The following MCM2 variants were observed in gnomAD, a reference collection of about 807,000 sequenced individuals.
MCM2 encodes DNA replication licensing factor MCM2.
MCM2 carries 49 observed loss-of-function variants against 86.4 expected under a neutral mutation model. The ratio of observed to expected loss-of-function variants is 0.57; its 90% CI spans 0.45 to 0.72. MCM2 has a LOEUF of 0.72. Among genes scored for constraint, MCM2 ranks in the 30% least tolerant of loss-of-function variants. The pLI is 0.00. For missense variants in MCM2, 1,038 were observed against 1,259.9 expected (o/e 0.82, Z 2.67); for synonymous variants, 475 against 484.6 (o/e 0.98, Z 0.26).
intron 14 of MCM2, 65 bp downstream of exon 14, chr3:127,620,945 C>T: frequency 5.1e-6 from 8 of 1,570,500 alleles, no homozygotes; most frequent in Non-Finnish European, 6.1e-6. Flanking sequence ...ACGTGGGTAT[C>T]CAGGGCTCTG....
rs551831279 is a variant in MCM2 at position 127,606,290 on chromosome 3, T to C, written c.846T>C (p.His282=). Reference sequence around the variant, plus strand: ...ACGACCGCATCACCAACCACATCCATGTCCGCATCTCCCACCTGCCTCTGG... The same window carrying C: ...ACGACCGCATCACCAACCACATCCACGTCCGCATCTCCCACCTGCCTCTGG... ...PKYDRITNHI[H]VRISHLPLVE... The change falls in exon 5 of 16, where the codon CAT becomes CAC. Residue 282 remains histidine, a synonymous_variant. Coordinates refer to ENST00000265056, the MANE Select transcript of MCM2 (RefSeq NM_004526.4). The surrounding 1 kb of genome is among the most constrained non-coding windows in gnomAD (Gnocchi z 4.2). 8.1e-6 allele frequency: 13 copies of C among 1,614,242 alleles called. No homozygotes were observed. The South Asian group carries it at 1.4e-4, about 18-fold the overall frequency.
chr3:127,616,881 G>T lies in MCM2; in HGVS notation c.1536G>T (p.Lys512Asn). 1 of 1,613,188 alleles carries T rather than the reference G, an allele frequency of 6.2e-7. No individual in the cohort carries two copies. Among genetic ancestry groups the T allele is most frequent in the South Asian group, 1.1e-5 (1 of 91,054 alleles). Residue 512 changes from lysine (K) to asparagine (N), a missense_variant, in exon 10 of 16, where the codon AAG becomes AAT. By Grantham distance (94) the Lys-to-Asn change is moderately conservative. Coordinates refer to ENST00000265056, the MANE Select transcript of MCM2 (RefSeq NM_004526.4). ...CATCCCCTCCAGGTGGCAAGCACAA[G>T]GTACGTGGTGATATCAACGTGCTCT... is the stretch of plus-strand genomic sequence containing the variant. ...GEPKNPGGKHKVRGDINVLLC... is the reference protein window; with the variant it reads ...GEPKNPGGKHNVRGDINVLLC...
At position 127,605,033 on chromosome 3, in the gene MCM2, G is replaced by T. The variant is rs756423886; in HGVS notation, c.550G>T (p.Glu184Ter). 3 of 1,614,156 alleles carry T rather than the reference G, an allele frequency of 1.9e-6. No individual in the cohort carries two copies. Among genetic ancestry groups the T allele is most frequent in the East Asian group, 2.2e-5 (1 of 44,886 alleles). ...GGATCTCAAAGGCCACTCTGTGCGCGAGTGGGTGAGCATGGCGGGCCCCCG... is the reference window on the plus strand; with the variant it reads ...GGATCTCAAAGGCCACTCTGTGCGCTAGTGGGTGAGCATGGCGGGCCCCCG... ...LEDLKGHSVREWVSMAGPRLE... is the reference protein window; with the variant it reads ...LEDLKGHSVR Residue 184 changes from glutamate (E) to a stop codon, truncating the protein, a stop_gained, in exon 4 of 16, where the codon GAG becomes TAG. Transcript: ENST00000265056. LOFTEE classifies it high-confidence loss of function.
At chr3:127,611,891 G>A (rs2074401117) in intron 8 of MCM2, among the ~76,000 whole-genome samples, 1 of 145,464 alleles carries the variant, frequency 6.9e-6, no homozygotes, top group South Asian at 2.3e-4. Context: ...AGTAGAGACG[G>A]GGTTTCACCG....
chr3:127,609,700 C>T lies in MCM2; in HGVS notation c.1428+677C>T, dbSNP rs139761281. ...AGAAATACGGATTACTTAAACAGAA[C>T]GTTAAATTTCTGTTGATAAAAACCC... is the stretch of plus-strand genomic sequence containing the variant. On this transcript the variant is annotated intron_variant, in intron 8 of 15. Coordinates refer to ENST00000265056, the MANE Select transcript of MCM2 (RefSeq NM_004526.4). Among the ~76,000 whole-genome samples, 219 of 152,142 alleles carry T rather than the reference C, an allele frequency of 1.4e-3. 1 individual carries two copies. Among genetic ancestry groups the T allele is most frequent in the African/African-American group, 5.1e-3 (211 of 41,508 alleles).
In MCM2 at chr3:127,606,594, C is replaced by T. The variant is rs758142271; in HGVS notation, c.894-16C>T. ...ACCCTGGCTCACGGCTTCTGATGCA[C>T]CCTCTGCCTCCGCAGGCAGCTGCAT... is the stretch of plus-strand genomic sequence containing the variant. On this transcript the variant is annotated splice_polypyrimidine_tract_variant and intron_variant, in intron 5 of 15. Coordinates refer to ENST00000265056, the MANE Select transcript of MCM2 (RefSeq NM_004526.4). The surrounding 1 kb of genome is among the most constrained non-coding windows in gnomAD (Gnocchi z 4.2). 29 of 1,609,572 alleles carry T rather than the reference C, an allele frequency of 1.8e-5. No individual in the cohort carries two copies. The South Asian group carries it at 1.9e-4, about 10-fold the overall frequency.
Position 127,606,699 on chromosome 3 carries a change from A to G in MCM2, c.983A>G (p.Asn328Ser), listed in dbSNP as rs1162173809. The G allele has an allele frequency of 1.2e-6, 2 of 1,614,112 alleles. No individual in the cohort carries two copies. Among genetic ancestry groups the G allele is most frequent in the African/African-American group, 2.7e-5 (2 of 74,934 alleles). Residue 328 changes from asparagine (N) to serine (S), a missense_variant, in exon 6 of 16, where the codon AAC becomes AGC. By Grantham distance (46) the Asn-to-Ser change is conservative. Transcript: ENST00000265056. This position sits in a 1 kb window ranked among gnomAD's most constrained non-coding sequence, Gnocchi z 4.2. Reference protein sequence around the residue: ...VLPQLSMVKYNCNKCNFVLGP... With the variant: ...VLPQLSMVKYSCNKCNFVLGP... ...CCCCAGCTCAGCATGGTCAAGTACA[A>G]CTGCAACAAGTGCAATTTCGTCCTG...
chr3:127,616,842 C>T (rs759367777), intron 9 of MCM2, 26 bp from the exon 10 acceptor site: 6 of 1,603,188 alleles, frequency 3.7e-6, no homozygotes, highest in South Asian at 1.1e-5. Context: ...CTCTCCCCCT[C>T]CCCCGCTTCT....
chr3:127,601,933 G>C (rs1202199923), intron 2 of MCM2, among the ~76,000 whole-genome samples: 1 of 152,122 alleles, frequency 6.6e-6, no homozygotes, highest in Non-Finnish European at 1.5e-5. Flanking sequence ...TCGTATGCTT[G>C]ATTGGCTATC....
rs2107689958 is a variant in MCM2, at chr3:127,608,876, C to T, written c.1281C>T (p.Asn427=). Reference sequence around the variant, plus strand: ...ACAACAACTATGATGGCTCCCTCAACACTGCCAATGGCTTCCCTGTCTTTG... The same window carrying T: ...ACAACAACTATGATGGCTCCCTCAATACTGCCAATGGCTTCCCTGTCTTTG... The part of the protein sequence containing the change: ...IYHNNYDGSL[N]TANGFPVFAT... Residue 427 remains asparagine (N), a synonymous_variant, in exon 8 of 16, where the codon AAC becomes AAT. Coordinates refer to ENST00000265056, the MANE Select transcript of MCM2 (RefSeq NM_004526.4). 8 of 1,614,184 alleles carry T rather than the reference C, an allele frequency of 5.0e-6. 1 individual carries two copies. The highest frequency in any genetic ancestry group is 4.4e-5 in the South Asian group (4 of 91,082).
At chr3:127,605,762 C>A (rs2074342501) in intron 4 of MCM2, among the ~76,000 whole-genome samples, 1 of 152,182 alleles carries the variant, frequency 6.6e-6, no homozygotes, top group Non-Finnish European at 1.5e-5. Flanking sequence ...TTAAAAGGGA[C>A]ATGTAGATCT....
chr3:127,616,859 C>A lies in MCM2; in HGVS notation c.1523-9C>A. 2 of 1,607,812 alleles carry A rather than the reference C, an allele frequency of 1.2e-6. No homozygotes were observed. The highest frequency in any genetic ancestry group is 1.7e-6 in the Non-Finnish European group (2 of 1,174,950). On this transcript the variant is annotated splice_polypyrimidine_tract_variant and intron_variant, in intron 9 of 15. Coordinates refer to ENST00000265056, the MANE Select transcript of MCM2 (RefSeq NM_004526.4). ...CTCCCCCTCCCCCGCTTCTACTCAT[C>A]CCCTCCAGGTGGCAAGCACAAGGTA...
Position 127,617,198 on chromosome 3 carries a change from ATGG to A in MCM2, c.1774-80_1774-78del. The stretch of plus-strand genomic sequence containing the variant: ...GGCCTTAGCGACGGGAATGGTGTTA[ATGG>A]GGTCCATTGGGACCTCATCGGAGAC... On this transcript the variant is annotated intron_variant, in intron 10 of 15. Transcript: ENST00000265056. The surrounding 1 kb of genome is among the most constrained non-coding windows in gnomAD (Gnocchi z 4.1). 3 of 1,605,936 alleles carry A rather than the reference ATGG, an allele frequency of 1.9e-6. No homozygotes were observed. The highest frequency in any genetic ancestry group is 2.6e-6 in the Non-Finnish European group (3 of 1,174,466).
At chr3:127,621,590 C>A in intron 15 of MCM2, 73 bp from the exon 16 acceptor site, 1 of 974,844 alleles carries the variant, frequency 1.0e-6, no homozygotes. Context: ...TGAAAGTGCA[C>A]TGTAACTGGG....
At chr3:127,612,713 GCTCACAGTA>G (rs2074408614) in intron 8 of MCM2, among the ~76,000 whole-genome samples, 3 of 152,152 alleles carry the variant, frequency 2.0e-5, no homozygotes, top group African/African-American at 7.2e-5. Context: ...GCTGGGTGGA[GCTCACAGTA>G]CCCACTCAGG....
At position 127,599,370 on chromosome 3, in the gene MCM2, G is replaced by A; in HGVS notation, c.59G>A (p.Gly20Asp). ...MASSPAQRRR[G>D]NDPLTSSPGR... ...TCCAGCCCGGCCCAGCGTCGGCGAG[G>A]CAATGATCCTCTCACCTCCAGCCCT... Residue 20 changes from glycine to aspartate, a missense_variant, in exon 2 of 16, where the codon GGC becomes GAC. By Grantham distance (94) the Gly-to-Asp change is moderately conservative. Coordinates refer to ENST00000265056, the MANE Select transcript of MCM2 (RefSeq NM_004526.4). 6.2e-7 allele frequency: 1 copy of A among 1,614,044 alleles called. No individual in the cohort carries two copies. The highest frequency in any genetic ancestry group is 2.2e-5 in the East Asian group (1 of 44,904).
Position 127,611,682 on chromosome 3 carries a change from CTTTTTTTTTTTT to C in MCM2, c.1428+2682_1428+2693del, listed in dbSNP as rs59607211. ...AAGCCCTGCAGGCTTCTGCAGCTGA[CTTTTTTTTTTTT>C]TTTTTTTTTTTTTTTTTTTTTTGAG... On this transcript the variant is annotated intron_variant, in intron 8 of 15. Transcript: ENST00000265056. 1.5e-4 allele frequency among the ~76,000 whole-genome samples: 8 copies of C among 54,282 alleles called. No homozygotes were observed. The South Asian group carries it at 3.1e-3, about 21-fold the overall frequency. 35.6% of individuals were successfully genotyped at this position (54,282 alleles called of 152,430 possible).
Position 127,606,832 on chromosome 3 carries a change from A to G in MCM2, c.1101+15A>G. 3 of 1,613,594 alleles carry G rather than the reference A, an allele frequency of 1.9e-6. No individual in the cohort carries two copies. Among genetic ancestry groups the G allele is most frequent in the Non-Finnish European group, 2.5e-6 (3 of 1,179,548 alleles). On this transcript the variant is annotated intron_variant, in intron 6 of 15. Coordinates refer to ENST00000265056, the MANE Select transcript of MCM2 (RefSeq NM_004526.4). This position sits in a 1 kb window ranked among gnomAD's most constrained non-coding sequence, Gnocchi z 4.2. ...ACATGGAGGAGGTGAGAGAGGACAC[A>G]AGGTCTGCTGCCAGCTGTCCTTAGG...
In MCM2 at chr3:127,611,702, T is replaced by TAG. The variant is rs2074397947; in HGVS notation, c.1428+2679_1428+2680insAG. Among the ~76,000 whole-genome samples the TAG allele has an allele frequency of 1.1e-3, 128 of 121,176 alleles. 1 individual carries two copies. Among genetic ancestry groups the TAG allele is most frequent in the African/African-American group, 3.7e-3 (107 of 28,682 alleles). 79.5% of individuals were successfully genotyped at this position (121,176 alleles called of 152,430 possible). ...GCTGACTTTTTTTTTTTTTTTTTTT[T>TAG]TTTTTTTTTTTTTTGAGACGGAGTC... On this transcript the variant is annotated intron_variant, in intron 8 of 15. Coordinates refer to ENST00000265056, the MANE Select transcript of MCM2 (RefSeq NM_004526.4).
Sources: allele counts gnomAD v4.1 joint callset (sites outside exome capture counted in the v4.1 genomes callset), GRCh38; gene constraint gnomAD v4.1.1; non-coding constraint Gnocchi (gnomAD v3.1); transcripts MANE v1.5; gene names NCBI Gene and HGNC (gene_info 2026-07-23, HGNC 2026-07-21).